The following LIPI variants were observed in gnomAD, a reference collection of about 807,000 sequenced individuals.
The protein encoded by LIPI is lipase member I.
A neutral mutation model predicts 50.6 loss-of-function variants in LIPI; 59 were observed. The ratio of observed to expected loss-of-function variants is 1.16; its 90% CI spans 0.94 to 1.45. The LOEUF is 1.45. Ranked by LOEUF, LIPI falls within the 40% of genes most tolerant of loss-of-function variation. LIPI has a pLI of 0.00. For synonymous variants in LIPI, 203 were observed against 178.2 expected (o/e 1.14, Z -1.11); for missense variants, 586 against 536.3 (o/e 1.09, Z -0.92).
At chr21:14,174,241 TG>T (rs1203333705) in intron 4 of LIPI, among the ~76,000 whole-genome samples, 2 of 152,096 alleles carry the variant, frequency 1.3e-5, no homozygotes, top group African/African-American at 2.4e-5. Context: ...TCAGATTGGG[TG>T]GGGGGCAGCT....
At chr21:14,184,009 A>G (rs1473482028) in intron 3 of LIPI, among the ~76,000 whole-genome samples, 2 of 152,200 alleles carry the variant, frequency 1.3e-5, no homozygotes, top group African/African-American at 4.8e-5. Context: ...TCATGCTGCT[A>G]TAAAGACACA....
chr21:14,206,714 T>C (rs1203268326), intron 1 of LIPI: 23 of 728,776 alleles, frequency 3.2e-5, no homozygotes, highest in Middle Eastern at 3.2e-4. Context: ...TGATAATAGT[T>C]TATATTCAGC....
chr21:14,196,262 A>G (rs1315210666), intron 1 of LIPI, among the ~76,000 whole-genome samples: 1 of 152,102 alleles, frequency 6.6e-6, no homozygotes, highest in African/African-American at 2.4e-5. Flanking sequence ...TATGCATGCA[A>G]AAACTTTGAT....
chr21:14,170,924 T>A (rs1372368096), intron 4 of LIPI, among the ~76,000 whole-genome samples: 9 of 151,670 alleles, frequency 5.9e-5, no homozygotes, highest in Admixed American at 5.9e-4. Context: ...AAAGTCAAAT[T>A]GTACCTGTTT....
chr21:14,146,138 A>T (rs1313624589), intron 8 of LIPI, among the ~76,000 whole-genome samples: 4 of 152,062 alleles, frequency 2.6e-5, no homozygotes, highest in Non-Finnish European at 5.9e-5. Flanking sequence ...TGACTACAAA[A>T]TCTCTACCTT....
chr21:14,188,871 T>C (rs899233387), intron 2 of LIPI, among the ~76,000 whole-genome samples, 163 bp downstream of exon 2: 2 of 152,192 alleles, frequency 1.3e-5, no homozygotes, highest in African/African-American at 2.4e-5. Flanking sequence ...AAAGAAAAGA[T>C]GGCTGCATAC....
In LIPI at chr21:14,129,934, C is replaced by G. The variant is rs139487742; in HGVS notation, c.1295+14689G>C. Among the ~76,000 whole-genome samples, 1,240 of 152,008 alleles carry G rather than the reference C, an allele frequency of 8.2e-3. 19 individuals carry two copies. Among genetic ancestry groups the G allele is most frequent in the South Asian group, 0.014 (68 of 4,812 alleles). ...CTCACTGTTGATTTTGTTTGAAGTTCCTGTTCCTTATTTGTATCACTTCTC... is the reference window on the plus strand; with the variant it reads ...CTCACTGTTGATTTTGTTTGAAGTTGCTGTTCCTTATTTGTATCACTTCTC... On this transcript the variant is annotated intron_variant, in intron 9 of 9. Transcript: ENST00000681601.
chr21:14,143,585 G>C (rs1301989268), intron 9 of LIPI: 1 of 152,050 alleles, frequency 6.6e-6, no homozygotes, highest in Non-Finnish European at 1.5e-5. Flanking sequence ...AACATAAAGA[G>C]AAATAAAGAG....
intron 7 of LIPI, among the ~76,000 whole-genome samples, chr21:14,161,331 T>C (rs2018453576): frequency 6.9e-6 from 1 of 145,550 alleles, no homozygotes; most frequent in African/African-American, 2.5e-5. Flanking sequence ...ATATATGTAA[T>C]ATATAGTTAT....
intron 5 of LIPI, 104 bp downstream of exon 5, chr21:14,166,258 G>T: frequency 1.3e-6 from 1 of 769,382 alleles, no homozygotes; most frequent in South Asian, 1.4e-5. Context: ...GGGCAATGAT[G>T]ATGAAATCAA....
At chr21:14,179,615 G>T (rs956818473) in intron 4 of LIPI, among the ~76,000 whole-genome samples, 1 of 152,128 alleles carries the variant, frequency 6.6e-6, no homozygotes, top group Non-Finnish European at 1.5e-5. Flanking sequence ...TAGAGGGACC[G>T]GCTGGAGCCG....
chr21:14,145,210 T>C (rs1157492314), intron 8 of LIPI, among the ~76,000 whole-genome samples: 1 of 152,120 alleles, frequency 6.6e-6, no homozygotes, highest in Non-Finnish European at 1.5e-5. Context: ...CAATAACTTA[T>C]AAAGGCCTGA....
chr21:14,173,960 G>T (rs535836543), intron 4 of LIPI, among the ~76,000 whole-genome samples: 1 of 152,242 alleles, frequency 6.6e-6, no homozygotes, highest in South Asian at 2.1e-4. Flanking sequence ...TGAAATTCAC[G>T]CAAGGAAGGG....
intron 9 of LIPI, among the ~76,000 whole-genome samples, chr21:14,125,679 T>C (rs1167609211): frequency 4.6e-5 from 7 of 152,104 alleles, no homozygotes; most frequent in Non-Finnish European, 4.4e-5. Context: ...TGCCTCAGCC[T>C]ACCGGGTAGC....
intron 1 of LIPI, among the ~76,000 whole-genome samples, chr21:14,199,441 CAG>C (rs1440550195): frequency 6.6e-6 from 1 of 151,816 alleles, no homozygotes; most frequent in Non-Finnish European, 1.5e-5. Context: ...ACACAACCAC[CAG>C]AGAATATTAT....
intron 6 of LIPI, among the ~76,000 whole-genome samples, chr21:14,164,468 G>A (rs1485210967): frequency 6.6e-6 from 1 of 152,144 alleles, no homozygotes; most frequent in Non-Finnish European, 1.5e-5. Flanking sequence ...TGCTGATCCT[G>A]CTTCAGCAGT....
At chr21:14,189,528 T>C in intron 1 of LIPI, 109 bp from the exon 2 acceptor site, 1 of 962,534 alleles carries the variant, frequency 1.0e-6, no homozygotes, top group East Asian at 2.4e-5. Context: ...TTTCATTTCA[T>C]GAGCCCTTCA....
intron 7 of LIPI, among the ~76,000 whole-genome samples, chr21:14,157,454 TGGA>T (rs1396276793): frequency 3.3e-5 from 5 of 151,938 alleles, no homozygotes; most frequent in African/African-American, 1.2e-4. Context: ...AGAAAAAATA[TGGA>T]GGAGTCTCTT....
chr21:14,162,092 T>C (rs557696431), intron 7 of LIPI, among the ~76,000 whole-genome samples: 8 of 149,332 alleles, frequency 5.4e-5, no homozygotes, highest in Non-Finnish European at 7.4e-5. Context: ...GATCAATATG[T>C]ATTGATATAT....
Sources: gnomAD v4.1 joint callset for allele counts (sites outside exome capture counted in the v4.1 genomes callset) on GRCh38, gnomAD v4.1.1 for gene constraint, MANE v1.5 for transcripts, NCBI Gene and HGNC (gene_info 2026-07-23, HGNC 2026-07-21) for gene names.